Variants in NIBAN3 observed in about 807,000 individuals in gnomAD.
The protein encoded by NIBAN3 is protein Niban 3.
In NIBAN3, 66 loss-of-function variants were observed where a neutral mutation model predicts 76.4. That is an observed-to-expected ratio of 0.86 (90% CI 0.71 to 1.06). The LOEUF (loss-of-function observed/expected upper bound fraction) is 1.06, where lower values mean the gene tolerates loss of function less well. Ranked by LOEUF, NIBAN3 falls within the 50% of genes least tolerant of loss-of-function variation. The pLI is 0.00. For synonymous variants in NIBAN3, 360 were observed against 355.2 expected (o/e 1.01, Z -0.15); for missense variants, 808 against 810.7 (o/e 1.00, Z 0.04).
chr19:17,526,089 G>A (rs1314736356), upstream of NIBAN3, among the ~76,000 whole-genome samples: 2 of 151,256 alleles, frequency 1.3e-5, no homozygotes, highest in African/African-American at 2.4e-5. Context: ...CAAGGAGGGT[G>A]GATCACGAGG....
Position 17,539,389 on chromosome 19 carries a change from C to G in NIBAN3, c.754C>G (p.Arg252Gly). The change falls in exon 7 of 15, where the codon CGA (arginine) becomes GGA (glycine). Residue 252 changes from arginine (R) to glycine (G), a missense_variant. Physicochemically the swap from Arg to Gly is moderately radical, Grantham distance 125. Transcript: ENST00000599164. ...GATGCGGGAGCAACTTCCCGCGCTG[C>G]GAGCCCAGACCCTTCCTGGCCTGCG... ...VLMREQLPAL[R>G]AQTLPGLRGA... The G allele has an allele frequency of 6.5e-7, 1 of 1,540,250 alleles. No homozygotes were observed. The highest frequency in any genetic ancestry group is 8.7e-7 in the Non-Finnish European group (1 of 1,145,796).
chr19:17,551,784 A>C lies in NIBAN3; in HGVS notation c.1751-2A>C, dbSNP rs772483136. ...GACGTCCGTATATTTTCCATTATAC[A>C]GATGAGGAAACTGAGGCTGAGCGGG... On this transcript the variant is annotated splice_acceptor_variant, in intron 14 of 14. Transcript: ENST00000599164. LOFTEE classifies it high-confidence loss of function. The C allele has an allele frequency of 1.0e-5, 8 of 777,692 alleles. 1 individual carries two copies. Among genetic ancestry groups the C allele is most frequent in the Admixed American group, 5.1e-5 (3 of 58,814 alleles). 48.2% of individuals were successfully genotyped at this position (777,692 alleles called of 1,614,324 possible). A position where few individuals can be genotyped will look rare whatever the true frequency, so the allele number is the denominator to read the frequency against.
rs2075886411 is a variant in NIBAN3, at chr19:17,539,191, G to A, written c.637G>A (p.Asp213Asn). The A allele has an allele frequency of 3.7e-6, 6 of 1,606,114 alleles. No individual in the cohort carries two copies. The highest frequency in any genetic ancestry group is 5.1e-6 in the Non-Finnish European group (6 of 1,176,896). ...SQAPAARAFL[D>N]AVRLYRQHQG... ...GGCCCCTGCTGCCCGGGCCTTCCTG[G>A]ACGCCGTCCGACTCTACCGGCAGCA... Residue 213 changes from aspartate to asparagine, a missense_variant, in exon 6 of 15, where the codon GAC becomes AAC. Asp to Asn is a conservative substitution (Grantham distance 23, BLOSUM62 1). Coordinates refer to ENST00000599164, the MANE Select transcript of NIBAN3 (RefSeq NM_001321827.2).
At chr19:17,550,430 G>T (rs978226661) in intron 14 of NIBAN3, among the ~76,000 whole-genome samples, 3 of 152,144 alleles carry the variant, frequency 2.0e-5, no homozygotes, top group Admixed American at 1.3e-4. Context: ...ACTCTGGGAG[G>T]CCAAGATAGG....
chr19:17,533,521 A>C (rs2075769724), intron 3 of NIBAN3, 66 bp from the exon 4 acceptor site: 1 of 1,046,650 alleles, frequency 9.6e-7, no homozygotes, highest in Non-Finnish European at 1.5e-6. Context: ...CCTTGATGGT[A>C]TAGTTGGGAC....
intron 13 of NIBAN3, among the ~76,000 whole-genome samples, chr19:17,548,666 C>A (rs916995817): frequency 4.6e-5 from 7 of 152,328 alleles, no homozygotes; most frequent in Non-Finnish European, 1.0e-4. Context: ...TGGCTCACGC[C>A]TGTAAACCCA....
rs370587823 is a variant in NIBAN3 at position 17,543,505 on chromosome 19, C to A, written c.1447-19C>A. On this transcript the variant is annotated intron_variant, in intron 11 of 14. Transcript: ENST00000599164. ...GTGCTCAGATGGTTGCTGGACGCAC[C>A]GCTGGGTGTGTTGTGCAGAAATTCA... The A allele has an allele frequency of 1.4e-4, 224 of 1,612,994 alleles. No homozygotes were observed. Among genetic ancestry groups the A allele is most frequent in the Non-Finnish European group, 1.8e-4 (217 of 1,179,140 alleles).
intron 4 of NIBAN3, among the ~76,000 whole-genome samples, chr19:17,536,024 C>A (rs1725003791): frequency 6.6e-6 from 1 of 152,174 alleles, no homozygotes; most frequent in South Asian, 2.1e-4. Context: ...AAAATCCCAT[C>A]TTGTCACAGA....
chr19:17,527,004 C>T (rs2075616605), upstream of NIBAN3, among the ~76,000 whole-genome samples: 2 of 152,110 alleles, frequency 1.3e-5, no homozygotes. Flanking sequence ...CTGCCCATCC[C>T]CCTGTTCCAG....
Position 17,549,594 on chromosome 19 carries a change from A to G in NIBAN3, c.1750+67A>G, listed in dbSNP as rs1441815420. On this transcript the variant is annotated intron_variant, in intron 14 of 14. Coordinates refer to ENST00000599164, the MANE Select transcript of NIBAN3 (RefSeq NM_001321827.2). ...TGGGGGTGGGGAGGTGGAGGCCCACATGGGGTGTATGGGATTGTCATGAGT... is the reference window on the plus strand; with the variant it reads ...TGGGGGTGGGGAGGTGGAGGCCCACGTGGGGTGTATGGGATTGTCATGAGT... The G allele has an allele frequency of 3.4e-6, 4 of 1,164,910 alleles. No individual in the cohort carries two copies. In the Admixed American group the frequency reaches 5.0e-5, roughly 15 times the overall value. 72.2% of individuals were successfully genotyped at this position (1,164,910 alleles called of 1,614,324 possible). A position where few individuals can be genotyped will look rare whatever the true frequency, so the allele number is the denominator to read the frequency against.
Position 17,538,719 on chromosome 19 carries a change from GAAGA to G in NIBAN3, c.596-423_596-420del, listed in dbSNP as rs202156252. Among the ~76,000 whole-genome samples the G allele has an allele frequency of 9.2e-3, 977 of 105,756 alleles. 7 individuals carry two copies. The highest frequency in any genetic ancestry group is 0.015 in the Non-Finnish European group (755 of 49,364). The allele number at this position is 105,756 out of a possible 152,430, so 69.4% of individuals were successfully genotyped here. A position where few individuals can be genotyped will look rare whatever the true frequency, so the allele number is the denominator to read the frequency against. Reference sequence around the variant, plus strand: ...AAAAAGAAAAGAAAGGAGAAAGAAAGAAGAAAGAAAGCAAGAAAGAAAGAAAGAG... The same window carrying G: ...AAAAAGAAAAGAAAGGAGAAAGAAAGAAGAAAGCAAGAAAGAAAGAAAGAG... On this transcript the variant is annotated intron_variant, in intron 5 of 14. Coordinates refer to ENST00000599164, the MANE Select transcript of NIBAN3 (RefSeq NM_001321827.2).
rs1293431105 is a variant in NIBAN3, at chr19:17,532,265, G to A, written c.189G>A (p.Lys63=). Residue 63 remains lysine (K), a splice_region_variant and synonymous_variant, in exon 3 of 15, where the codon AAG becomes AAA. Coordinates refer to ENST00000599164, the MANE Select transcript of NIBAN3 (RefSeq NM_001321827.2). ...CCCACTGCTCCCTCTTTCTGCAGAA[G>A]CTGCCCCGAGTCCGTGAGCACCGAG... ...PTGSQLLRSK[K]LPRVREHRGP... The A allele has an allele frequency of 3.7e-6, 6 of 1,607,862 alleles. No individual in the cohort carries two copies. The highest frequency in any genetic ancestry group is 1.3e-5 in the African/African-American group (1 of 74,842).
At chr19:17,523,524 C>T (rs373533717), upstream of NIBAN3, 19 of 1,414,010 alleles carry the variant, frequency 1.3e-5, no homozygotes, top group South Asian at 8.8e-5. Context: ...GGCAGGAGGC[C>T]GTGGCCCCCA....
At chr19:17,547,006 G>A (rs1599755482) in intron 13 of NIBAN3, among the ~76,000 whole-genome samples, 1 of 152,194 alleles carries the variant, frequency 6.6e-6, no homozygotes, top group African/African-American at 2.4e-5. Flanking sequence ...GACTGGGGCT[G>A]TGAGGGATGT....
chr19:17,554,779 C>CAAA (rs66782675), downstream of NIBAN3, among the ~76,000 whole-genome samples: 67 of 118,252 alleles, frequency 5.7e-4, no homozygotes, highest in African/African-American at 1.8e-3. Context: ...GACGCTGTCT[C>CAAA]AAAAAAAAAA....
In NIBAN3 at chr19:17,543,421, G is replaced by C; in HGVS notation, c.1434G>C (p.Gly478=). ...CCCAGAGGCTGGAGAGAGTCAGGGG[G>C]CGCGTGCTGAAGGTGTGTTCTGTGG... The part of the protein sequence containing the change: ...QAAQRLERVR[G]RVLKKFKSDS... The change falls in exon 11 of 15, where the codon GGG becomes GGC. Residue 478 remains glycine (G), a synonymous_variant. Coordinates refer to ENST00000599164, the MANE Select transcript of NIBAN3 (RefSeq NM_001321827.2). The C allele has an allele frequency of 6.2e-7, 1 of 1,613,628 alleles. No individual in the cohort carries two copies. Among genetic ancestry groups the C allele is most frequent in the African/African-American group, 1.3e-5 (1 of 75,034 alleles).
Position 17,549,595 on chromosome 19 carries a change from T to G in NIBAN3, c.1750+68T>G. 4 of 1,170,194 alleles carry G rather than the reference T, an allele frequency of 3.4e-6. No individual in the cohort carries two copies. In the Middle Eastern group the frequency reaches 7.7e-4, roughly 224 times the overall value. The allele number at this position is 1,170,194 out of a possible 1,614,324, so 72.5% of individuals were successfully genotyped here. On this transcript the variant is annotated intron_variant, in intron 14 of 14. Coordinates refer to ENST00000599164, the MANE Select transcript of NIBAN3 (RefSeq NM_001321827.2). ...GGGGGTGGGGAGGTGGAGGCCCACA[T>G]GGGGTGTATGGGATTGTCATGAGTG...
intron 13 of NIBAN3, among the ~76,000 whole-genome samples, chr19:17,547,447 T>C (rs2076079242): frequency 8.0e-6 from 1 of 124,576 alleles, no homozygotes; most frequent in Admixed American, 9.4e-5. Flanking sequence ...CTCTGCCTCC[T>C]GGGTTCAAGT....
At chr19:17,530,098 G>T (rs1242169401) in intron 1 of NIBAN3, among the ~76,000 whole-genome samples, 1 of 151,006 alleles carries the variant, frequency 6.6e-6, no homozygotes, top group African/African-American at 2.4e-5. Flanking sequence ...GATCACTGGA[G>T]CTCAGGAGTT....
Sources: gnomAD v4.1 joint callset for allele counts (sites outside exome capture counted in the v4.1 genomes callset) on GRCh38, gnomAD v4.1.1 for gene constraint, MANE v1.5 for transcripts, NCBI Gene and HGNC (gene_info 2026-07-23, HGNC 2026-07-21) for gene names.